The following SASH1 variants were observed in gnomAD, a reference collection of about 807,000 sequenced individuals.
The protein encoded by SASH1 is SAM and SH3 domain-containing protein 1.
A neutral mutation model predicts 125.2 loss-of-function variants in SASH1; 44 were observed. The observed-to-expected ratio is 0.35, with a 90% CI of 0.28 to 0.45. SASH1 has a LOEUF of 0.45. Ranked by LOEUF, SASH1 falls within the 20% of genes least tolerant of loss-of-function variation. The pLI, the probability that SASH1 is intolerant of heterozygous loss-of-function variation, is 1.00. For synonymous variants in SASH1, 639 were observed against 649.1 expected, an observed-to-expected ratio of 0.98 and a Z score of 0.24; for missense variants, 1,426 against 1,614.5, an observed-to-expected ratio of 0.88 and a Z score of 2.00.
intron 1 of SASH1, among the ~76,000 whole-genome samples, chr6:148,315,103 A>G (rs186717506): frequency 1.1e-3 from 166 of 152,296 alleles, no homozygotes; most frequent in African/African-American, 3.9e-3. Context: ...CAAGCATTTA[A>G]GGGATTAAAT....
At chr6:148,402,765 C>T (rs1005646230) in intron 2 of SASH1, among the ~76,000 whole-genome samples, 6 of 151,900 alleles carry the variant, frequency 3.9e-5, no homozygotes, top group Admixed American at 6.6e-5. Flanking sequence ...CCCGCCACCA[C>T]GCCCGGCTAA....
intron 1 of SASH1, among the ~76,000 whole-genome samples, chr6:148,315,813 A>ATC (rs1303009993): frequency 6.6e-6 from 1 of 152,218 alleles, no homozygotes; most frequent in East Asian, 1.9e-4. Context: ...CTGAGATAGA[A>ATC]GGATCACTTG....
intron 1 of SASH1, among the ~76,000 whole-genome samples, chr6:148,274,100 G>A (rs747508621): frequency 3.3e-5 from 5 of 152,120 alleles, no homozygotes; most frequent in East Asian, 3.9e-4. Context: ...AGAATTCCAC[G>A]GTCATGGGAT....
At chr6:148,365,492 G>A (rs986196480) in intron 1 of SASH1, among the ~76,000 whole-genome samples, 6 of 151,552 alleles carry the variant, frequency 4.0e-5, no homozygotes, top group African/African-American at 1.5e-4. Context: ...TGGTAGAGGT[G>A]ATGAGGAGGG....
chr6:148,482,562 C>A (rs941713532), intron 7 of SASH1, among the ~76,000 whole-genome samples: 1 of 151,766 alleles, frequency 6.6e-6, no homozygotes, highest in East Asian at 1.9e-4. Flanking sequence ...TGCTCTGTAG[C>A]CCATGCTAGA....
chr6:148,315,586 T>G (rs371288367), intron 1 of SASH1, among the ~76,000 whole-genome samples: 1 of 152,322 alleles, frequency 6.6e-6, no homozygotes. Context: ...GCTTTAGTTA[T>G]GGGAGCTTTC....
chr6:148,463,763 A>G (rs1473240295), intron 4 of SASH1, among the ~76,000 whole-genome samples: 1 of 152,192 alleles, frequency 6.6e-6, no homozygotes, highest in Non-Finnish European at 1.5e-5. Flanking sequence ...GCATGTCCAA[A>G]GGGGACCTCT....
intron 2 of SASH1, among the ~76,000 whole-genome samples, chr6:148,436,127 G>A (rs1361180452): frequency 6.6e-6 from 1 of 152,156 alleles, no homozygotes; most frequent in Non-Finnish European, 1.5e-5. Context: ...TGCTCTCACG[G>A]TGTGGCTTTG....
intron 1 of SASH1, among the ~76,000 whole-genome samples, chr6:148,332,893 A>G (rs1781035997): frequency 2.0e-5 from 3 of 152,162 alleles, no homozygotes. Context: ...ACACTGAGGC[A>G]GGAGAATCCC....
At chr6:148,422,776 C>CTG (rs61629243) in intron 2 of SASH1, among the ~76,000 whole-genome samples, 134,938 of 152,174 alleles carry the variant, frequency 0.89, 60,017 homozygotes, top group African/African-American at 0.93. Context: ...CTTTGTCCGC[C>CTG]TGTTTCCATT....
chr6:148,365,849 G>A (rs565516062), intron 1 of SASH1, among the ~76,000 whole-genome samples: 32 of 151,724 alleles, frequency 2.1e-4, no homozygotes, highest in Admixed American at 4.6e-4. Flanking sequence ...AGGGTAGCTC[G>A]TGCCTGTAAT....
At chr6:148,398,642 T>C (rs1334378164) in intron 2 of SASH1, among the ~76,000 whole-genome samples, 1 of 152,202 alleles carries the variant, frequency 6.6e-6, no homozygotes, top group Non-Finnish European at 1.5e-5. Context: ...TCCTGAGTTA[T>C]CCTGCTGAAG....
chr6:148,208,111 G>A, the SASH1 span, among the ~76,000 whole-genome samples: 1 of 152,130 alleles, frequency 6.6e-6, no homozygotes, highest in African/African-American at 2.4e-5. Flanking sequence ...TTGGTGTGGT[G>A]CCCAGCCTCT....
At chr6:148,481,266 G>C (rs1453427168) in intron 7 of SASH1, among the ~76,000 whole-genome samples, 6 of 152,102 alleles carry the variant, frequency 3.9e-5, no homozygotes, top group African/African-American at 1.2e-4. Context: ...TTCGGCGTTG[G>C]CTTACGAGAG....
chr6:148,240,975 T>C, the SASH1 span, among the ~76,000 whole-genome samples: 1 of 152,196 alleles, frequency 6.6e-6, no homozygotes, highest in South Asian at 2.1e-4. Context: ...GTCACCATTT[T>C]TTTAAAGTTA....
chr6:148,210,184 G>T, the SASH1 span, among the ~76,000 whole-genome samples: 1 of 152,178 alleles, frequency 6.6e-6, no homozygotes, highest in African/African-American at 2.4e-5. Context: ...ACGTGGTAAA[G>T]ACTGCTGATG....
At chr6:148,299,834 A>C (rs1779891496) in intron 1 of SASH1, among the ~76,000 whole-genome samples, 1 of 152,176 alleles carries the variant, frequency 6.6e-6, no homozygotes, top group South Asian at 2.1e-4. Flanking sequence ...CAACTTTTAA[A>C]TCAGAATAAA....
At chr6:148,548,026 G>T (rs1184264138) in intron 19 of SASH1, among the ~76,000 whole-genome samples, 2 of 152,174 alleles carry the variant, frequency 1.3e-5, no homozygotes, top group African/African-American at 4.8e-5. Flanking sequence ...ATATGTAAAT[G>T]CTTATAGTTT....
At chr6:148,422,290 G>A (rs192719999) in intron 2 of SASH1, among the ~76,000 whole-genome samples, 1 of 152,224 alleles carries the variant, frequency 6.6e-6, no homozygotes, top group South Asian at 2.1e-4. Context: ...CTCTGTTCTG[G>A]ATAAACAGTA....
Sources: gnomAD v4.1 joint callset for allele counts (sites outside exome capture counted in the v4.1 genomes callset) on GRCh38, gnomAD v4.1.1 for gene constraint, MANE v1.5 for transcripts, NCBI Gene and HGNC (gene_info 2026-07-23, HGNC 2026-07-21) for gene names.